The following RPRD1A variants were observed in gnomAD, a reference collection of about 807,000 sequenced individuals.
RPRD1A encodes the protein regulation of nuclear pre-mRNA domain containing 1A.
Under a neutral mutation model 37.8 loss-of-function variants are expected in RPRD1A, and 9 were observed. That is an observed-to-expected ratio of 0.24 (90% confidence interval 0.14 to 0.42). The LOEUF (loss-of-function observed/expected upper bound fraction) is 0.42. RPRD1A is among the 10% of genes least tolerant of loss of function. RPRD1A has a pLI of 1.00. For missense variants in RPRD1A, 255 were observed against 371.0 expected, an observed-to-expected ratio of 0.69 and a Z score of 2.57; for synonymous variants, 138 against 139.7, an observed-to-expected ratio of 0.99 and a Z score of 0.08.
At chr18:36,040,944 G>T in intron 1 of RPRD1A, 1 of 834,504 alleles carries the variant, frequency 1.2e-6, no homozygotes, top group Non-Finnish European at 1.8e-6. Flanking sequence ...TTGTCTTTCA[G>T]AATGAACTAC....
intron 1 of RPRD1A, among the ~76,000 whole-genome samples, chr18:36,053,477 T>C (rs1263918707): frequency 2.6e-5 from 4 of 152,230 alleles, no homozygotes; most frequent in African/African-American, 2.4e-5. Context: ...TGCTCCACAC[T>C]GTAGAATGTA....
chr18:36,040,933 A>AT (rs1331350340), intron 1 of RPRD1A: 12 of 934,616 alleles, frequency 1.3e-5, no homozygotes, highest in Non-Finnish European at 9.3e-6. Context: ...CTTTACAGTA[A>AT]TTGTCTTTCA....
At chr18:36,049,531 A>T (rs1266156875) in intron 1 of RPRD1A, among the ~76,000 whole-genome samples, 1 of 151,928 alleles carries the variant, frequency 6.6e-6, no homozygotes, top group Non-Finnish European at 1.5e-5. Flanking sequence ...CAATGTGACT[A>T]CTCTAGGTGT....
At chr18:36,033,953 T>A (rs1912001846) in intron 1 of RPRD1A, 116 bp from the exon 2 acceptor site, 1 of 787,358 alleles carries the variant, frequency 1.3e-6, no homozygotes. Flanking sequence ...CCTTTATGTA[T>A]CATTTCAACC....
intron 1 of RPRD1A, among the ~76,000 whole-genome samples, chr18:36,038,994 T>G (rs1912391398): frequency 6.6e-6 from 1 of 152,244 alleles, no homozygotes; most frequent in South Asian, 2.1e-4. Context: ...GGGAGGGACT[T>G]GCCTTATCTC....
intron 1 of RPRD1A, among the ~76,000 whole-genome samples, chr18:36,053,899 A>G (rs887166057): frequency 6.6e-6 from 1 of 152,192 alleles, no homozygotes; most frequent in African/African-American, 2.4e-5. Flanking sequence ...CTATGAAGGA[A>G]GGGGTTGAAA....
chr18:36,022,670 A>G (rs765098167), intron 6 of RPRD1A, among the ~76,000 whole-genome samples: 3 of 152,196 alleles, frequency 2.0e-5, no homozygotes, highest in Non-Finnish European at 4.4e-5. Flanking sequence ...GACCTGCAAA[A>G]TATTACTATT....
intron 6 of RPRD1A, among the ~76,000 whole-genome samples, chr18:36,004,130 C>T (rs942903037): frequency 6.7e-6 from 1 of 150,354 alleles, no homozygotes; most frequent in Non-Finnish European, 1.5e-5. Context: ...TGCACCCAGA[C>T]AAATTCTAGC....
At chr18:35,998,696 G>C (rs1909240521) in intron 6 of RPRD1A, among the ~76,000 whole-genome samples, 3 of 152,242 alleles carry the variant, frequency 2.0e-5, no homozygotes, top group Admixed American at 2.0e-4. Context: ...TTGCCCATCT[G>C]TCATAATCCA....
chr18:36,057,149 T>G (rs1231397143), intron 1 of RPRD1A, among the ~76,000 whole-genome samples: 1 of 149,300 alleles, frequency 6.7e-6, no homozygotes, highest in African/African-American at 2.5e-5. Context: ...CCTGGGAGGT[T>G]GGGGCTGCAG....
rs536078783 is a variant in RPRD1A at position 36,010,081 on chromosome 18, ATG to A, written c.790-16783_790-16782del. Among the ~76,000 whole-genome samples, 367 of 151,960 alleles carry A rather than the reference ATG, an allele frequency of 2.4e-3. 3 individuals carry two copies. The highest frequency in any genetic ancestry group is 5.4e-4 in the Non-Finnish European group (37 of 68,026). Reference sequence around the variant, plus strand: ...TGTATACTATATAATATGGTATGATATGTTAGTTATTTAATATAAGGACAGAA... The same window carrying A: ...TGTATACTATATAATATGGTATGATATTAGTTATTTAATATAAGGACAGAA... On this transcript the variant is annotated intron_variant, in intron 6 of 6. Coordinates refer to ENST00000399022, the MANE Select transcript of RPRD1A (RefSeq NM_018170.5).
intron 2 of RPRD1A, 52 bp from the exon 3 acceptor site, chr18:36,031,149 A>G (rs756214322): frequency 6.8e-7 from 1 of 1,460,874 alleles, no homozygotes; most frequent in South Asian, 1.5e-5. Context: ...AACAATGCAT[A>G]GTGTTATTGA....
intron 6 of RPRD1A, among the ~76,000 whole-genome samples, chr18:36,011,102 T>C (rs1013455328): frequency 2.0e-5 from 3 of 152,232 alleles, no homozygotes; most frequent in African/African-American, 7.2e-5. Flanking sequence ...CCAAGTTTTT[T>C]TTGTTGGGGG....
chr18:36,000,500 T>C (rs1321553643), intron 6 of RPRD1A, among the ~76,000 whole-genome samples: 2 of 152,236 alleles, frequency 1.3e-5, no homozygotes, highest in Non-Finnish European at 2.9e-5. Flanking sequence ...AAAGATATTT[T>C]ATCAAGTTTT....
chr18:36,067,205 G>A, intron 1 of RPRD1A, 49 bp downstream of exon 1: 1 of 1,517,326 alleles, frequency 6.6e-7, no homozygotes, highest in African/African-American at 1.4e-5. Flanking sequence ...GGGGGCGCCT[G>A]GAGGCCGGCC....
At chr18:36,060,464 A>G (rs1197176529) in intron 1 of RPRD1A, among the ~76,000 whole-genome samples, 1 of 152,196 alleles carries the variant, frequency 6.6e-6, no homozygotes, top group Non-Finnish European at 1.5e-5. Context: ...ATGTTCTTTC[A>G]CTTCTCCATT....
At position 35,993,143 on chromosome 18, in the gene RPRD1A, C is replaced by A; in HGVS notation, c.*8G>T. 6.2e-7 allele frequency: 1 copy of A among 1,612,466 alleles called. No individual in the cohort carries two copies. The highest frequency in any genetic ancestry group is 2.2e-5 in the East Asian group (1 of 44,842). Reference sequence around the variant, plus strand: ...CAAAGTCCTGGGACCTGGAAAGAGGCTGGTCCATCAATCTTCACTGTAGAT... The same window carrying A: ...CAAAGTCCTGGGACCTGGAAAGAGGATGGTCCATCAATCTTCACTGTAGAT... On this transcript the variant is annotated 3_prime_UTR_variant, in exon 7 of 7. Transcript: ENST00000399022.
At chr18:36,031,254 C>T (rs924756549) in intron 2 of RPRD1A, among the ~76,000 whole-genome samples, 157 bp from the exon 3 acceptor site, 3 of 152,134 alleles carry the variant, frequency 2.0e-5, no homozygotes, top group African/African-American at 4.8e-5. Context: ...GCCAGCAGCT[C>T]AAAAGTGAAG....
intron 6 of RPRD1A, among the ~76,000 whole-genome samples, chr18:36,019,979 G>A (rs902821520): frequency 1.3e-5 from 2 of 152,170 alleles, no homozygotes; most frequent in African/African-American, 4.8e-5. Context: ...GGCAGAGGTT[G>A]CAGCGAGCTG....
Sources: allele counts gnomAD v4.1 joint callset (sites outside exome capture counted in the v4.1 genomes callset), GRCh38; gene constraint gnomAD v4.1.1; transcripts MANE v1.5; gene names NCBI Gene and HGNC (gene_info 2026-07-23, HGNC 2026-07-21).